Variants in PDLIM5 observed in about 807,000 individuals in gnomAD.
PDLIM5 encodes PDZ and LIM domain protein 5.
Under a neutral mutation model 64.2 loss-of-function variants are expected in PDLIM5, and 34 were observed. The ratio of observed to expected loss-of-function variants is 0.53; its 90% CI spans 0.40 to 0.71. PDLIM5 has a LOEUF of 0.71. PDLIM5 is among the 30% of genes least tolerant of loss of function. The pLI, the probability that PDLIM5 is intolerant of heterozygous loss-of-function variation, is 0.00. For missense variants in PDLIM5, 683 were observed against 733.6 expected, an observed-to-expected ratio of 0.93 and a Z score of 0.80; for synonymous variants, 253 against 269.1, an observed-to-expected ratio of 0.94 and a Z score of 0.59.
chr4:94,660,379 C>G (rs78467567), intron 11 of PDLIM5, among the ~76,000 whole-genome samples: 1 of 151,998 alleles, frequency 6.6e-6, no homozygotes, highest in Non-Finnish European at 1.5e-5. Context: ...AGTTTTTCTG[C>G]GGCGATTCCT....
At chr4:94,580,300 C>T (rs1402077382) in intron 5 of PDLIM5, among the ~76,000 whole-genome samples, 4 of 152,032 alleles carry the variant, frequency 2.6e-5, no homozygotes, top group African/African-American at 9.7e-5. Flanking sequence ...ACCATAAAGT[C>T]GTATTGGAAA....
intron 11 of PDLIM5, among the ~76,000 whole-genome samples, chr4:94,659,771 G>C (rs1463912376): frequency 6.6e-6 from 1 of 151,156 alleles, no homozygotes; most frequent in Admixed American, 6.6e-5. Context: ...CTCGTGATCC[G>C]TCCACCTCAG....
intron 2 of PDLIM5, among the ~76,000 whole-genome samples, chr4:94,494,113 C>T (rs1368779677): frequency 6.6e-6 from 1 of 152,014 alleles, no homozygotes; most frequent in African/African-American, 2.4e-5. Flanking sequence ...GCATGCACCA[C>T]CATGCATGGT....
intron 8 of PDLIM5, among the ~76,000 whole-genome samples, chr4:94,631,154 C>T (rs527541344): frequency 1.4e-4 from 21 of 151,638 alleles, no homozygotes; most frequent in African/African-American, 4.4e-4. Context: ...CCTCCTACCT[C>T]AGTTTCCCAA....
In PDLIM5 at chr4:94,664,061, T is replaced by G. The variant is rs1742944102; in HGVS notation, c.1785T>G (p.Asn595Lys). 5 of 1,599,706 alleles carry G rather than the reference T, an allele frequency of 3.1e-6. No individual in the cohort carries two copies. The highest frequency in any genetic ancestry group is 1.1e-5 in the South Asian group (1 of 88,604). Residue 595 changes from asparagine (N) to lysine (K), a missense_variant, in exon 13 of 13, where the codon AAT becomes AAG. Coordinates refer to ENST00000317968, the MANE Select transcript of PDLIM5 (RefSeq NM_006457.5). ...PLCKKHAHSV[N>K]F The stretch of plus-strand genomic sequence containing the variant: ...GTAAGAAACATGCTCATTCTGTGAA[T>G]TTTTGAAAGTCAACAGTTCAGGAGA...
At chr4:94,502,380 G>C (rs1163162799) in intron 2 of PDLIM5, among the ~76,000 whole-genome samples, 1 of 152,166 alleles carries the variant, frequency 6.6e-6, no homozygotes, top group Non-Finnish European at 1.5e-5. Context: ...TCAGGAGGGA[G>C]GATGGCAATG....
intron 7 of PDLIM5, among the ~76,000 whole-genome samples, chr4:94,613,486 T>C (rs1738532595): frequency 6.6e-6 from 1 of 152,200 alleles, no homozygotes; most frequent in Admixed American, 6.5e-5. Context: ...TTTCTTCCTT[T>C]TCGTTTTTCC....
chr4:94,661,457 T>G (rs1742707747), intron 11 of PDLIM5, among the ~76,000 whole-genome samples: 1 of 152,190 alleles, frequency 6.6e-6, no homozygotes, highest in African/African-American at 2.4e-5. Context: ...TCAAAACTGC[T>G]TTTGTCAGAA....
rs1263732529 is a variant in PDLIM5 at position 94,665,978 on chromosome 4, A to C, written c.*1911A>C. On this transcript the variant is annotated 3_prime_UTR_variant, in exon 13 of 13. Coordinates refer to ENST00000317968, the MANE Select transcript of PDLIM5 (RefSeq NM_006457.5). ...GGATCCTGTTGCTATTTGCCCAGTG[A>C]GAAAACAGATTCTGGTATTTGATTT... 2 of 1,532,452 alleles carry C rather than the reference A, an allele frequency of 1.3e-6. No homozygotes were observed. The highest frequency in any genetic ancestry group is 1.7e-6 in the Non-Finnish European group (2 of 1,144,772). The allele number at this position is 1,532,452 out of a possible 1,614,324, so 94.9% of individuals were successfully genotyped here.
At chr4:94,512,792 C>G (rs892746316) in intron 2 of PDLIM5, among the ~76,000 whole-genome samples, 1 of 151,926 alleles carries the variant, frequency 6.6e-6, no homozygotes, top group Non-Finnish European at 1.5e-5. Flanking sequence ...AGGGTATTGC[C>G]GAAGAAATTT....
At chr4:94,594,697 A>G (rs997698263) in intron 7 of PDLIM5, among the ~76,000 whole-genome samples, 7 of 152,152 alleles carry the variant, frequency 4.6e-5, no homozygotes, top group Non-Finnish European at 1.0e-4. Context: ...TCAATTTTCT[A>G]CTATATTATA....
intron 3 of PDLIM5, among the ~76,000 whole-genome samples, chr4:94,562,680 T>A (rs1733950305): frequency 6.6e-6 from 1 of 152,232 alleles, no homozygotes; most frequent in Non-Finnish European, 1.5e-5. Context: ...ACGTTGTGAC[T>A]TGTGTATGTT....
intron 3 of PDLIM5, among the ~76,000 whole-genome samples, chr4:94,562,829 A>G (rs1421367846): frequency 3.3e-5 from 5 of 152,176 alleles, no homozygotes; most frequent in East Asian, 1.9e-4. Context: ...CTGTGGTTTC[A>G]GTTTTTTAAA....
intron 2 of PDLIM5, among the ~76,000 whole-genome samples, chr4:94,505,093 CAT>C (rs1050023211): frequency 1.3e-5 from 2 of 152,142 alleles, no homozygotes; most frequent in African/African-American, 4.8e-5. Context: ...TGACAATAGA[CAT>C]GTGGGGATAT....
intron 11 of PDLIM5, among the ~76,000 whole-genome samples, chr4:94,660,465 C>G (rs932389619): frequency 3.2e-4 from 48 of 152,160 alleles, no homozygotes; most frequent in African/African-American, 1.1e-3. Context: ...TGTAGTGCCC[C>G]CCCCAATTAT....
intron 8 of PDLIM5, among the ~76,000 whole-genome samples, chr4:94,639,804 G>GT (rs1239430631): frequency 6.6e-6 from 1 of 152,220 alleles, no homozygotes; most frequent in African/African-American, 2.4e-5. Context: ...GCAGAGGTAT[G>GT]TATCACCTGA....
intron 2 of PDLIM5, among the ~76,000 whole-genome samples, chr4:94,487,130 T>C (rs941438325): frequency 3.3e-5 from 5 of 152,250 alleles, no homozygotes; most frequent in Admixed American, 3.3e-4. Context: ...TTATTTATAC[T>C]TCTCTTAACT....
intron 7 of PDLIM5, among the ~76,000 whole-genome samples, chr4:94,614,213 G>A (rs965697166): frequency 2.0e-5 from 3 of 151,986 alleles, no homozygotes; most frequent in Non-Finnish European, 4.4e-5. Flanking sequence ...CGCCCACCTC[G>A]GCCTCCCAAG....
chr4:94,550,959 T>G (rs984051116), intron 3 of PDLIM5, among the ~76,000 whole-genome samples: 2 of 151,954 alleles, frequency 1.3e-5, no homozygotes, highest in African/African-American at 4.8e-5. Flanking sequence ...ATAGGAAAAA[T>G]GCTAAGCAAA....
Sources: gnomAD v4.1 joint callset for allele counts (sites outside exome capture counted in the v4.1 genomes callset) on GRCh38, gnomAD v4.1.1 for gene constraint, MANE v1.5 for transcripts, NCBI Gene and HGNC (gene_info 2026-07-23, HGNC 2026-07-21) for gene names.